Variants in AGBL4 observed in about 807,000 individuals in gnomAD.
AGBL4 encodes the protein cytosolic carboxypeptidase 6.
AGBL4 carries 58 observed loss-of-function variants against 66.4 expected under a neutral mutation model. The observed-to-expected ratio is 0.87, with a 90% confidence interval of 0.71 to 1.09. The LOEUF (loss-of-function observed/expected upper bound fraction) is 1.09, where lower values mean the gene tolerates loss of function less well. AGBL4 is among the 50% of genes least tolerant of loss of function. AGBL4 has a pLI of 0.00. For missense variants in AGBL4, 579 were observed against 631.0 expected (o/e 0.92, Z 0.88); for synonymous variants, 234 against 222.9 (o/e 1.05, Z -0.44).
At chr1:48,835,116 C>A (rs4484963) in intron 6 of AGBL4, among the ~76,000 whole-genome samples, 5,457 of 152,096 alleles carry the variant, frequency 0.036, 333 homozygotes, top group African/African-American at 0.13. Context: ...TTAAACTGGG[C>A]TTCTCAGAAA....
chr1:49,538,666 C>T (rs760407563), intron 3 of AGBL4, among the ~76,000 whole-genome samples: 19 of 151,898 alleles, frequency 1.3e-4, no homozygotes, highest in Non-Finnish European at 2.9e-5. Context: ...GACAATTTAC[C>T]AGGAAAATGT....
At chr1:48,722,614 A>G (rs779676002) in intron 6 of AGBL4, among the ~76,000 whole-genome samples, 1 of 152,220 alleles carries the variant, frequency 6.6e-6, no homozygotes, top group Non-Finnish European at 1.5e-5. Context: ...ATAACACGGT[A>G]AACTGAAGGG....
chr1:49,973,269 G>C (rs1658284997), intron 1 of AGBL4, among the ~76,000 whole-genome samples: 1 of 152,132 alleles, frequency 6.6e-6, no homozygotes, highest in African/African-American at 2.4e-5. Context: ...TAGTGTAACA[G>C]GTCAGCTAAT....
intron 1 of AGBL4, 54 bp downstream of exon 1, chr1:50,023,709 A>G: frequency 6.5e-7 from 1 of 1,531,392 alleles, no homozygotes; most frequent in Non-Finnish European, 8.8e-7. Flanking sequence ...GTTGCCTGAG[A>G]CCCAGGACAG....
chr1:49,536,319 A>G (rs1025872562), intron 3 of AGBL4, among the ~76,000 whole-genome samples: 1 of 152,164 alleles, frequency 6.6e-6, no homozygotes, highest in African/African-American at 2.4e-5. Flanking sequence ...TGCTTGAGAT[A>G]GTAGACACAT....
chr1:49,362,472 A>G (rs942946100), intron 3 of AGBL4, among the ~76,000 whole-genome samples: 60 of 134,394 alleles, frequency 4.5e-4, no homozygotes, highest in African/African-American at 9.6e-4. Context: ...AAAAAAAAAA[A>G]AGAGAGAATC....
chr1:48,989,762 T>A (rs1434206685), intron 5 of AGBL4, among the ~76,000 whole-genome samples: 2 of 152,230 alleles, frequency 1.3e-5, no homozygotes, highest in African/African-American at 2.4e-5. Flanking sequence ...ACATTTTCTT[T>A]ACCCATTCAT....
At chr1:49,347,732 C>G (rs1006062116) in intron 3 of AGBL4, among the ~76,000 whole-genome samples, 6 of 151,420 alleles carry the variant, frequency 4.0e-5, no homozygotes, top group Non-Finnish European at 5.9e-5. Context: ...TGGTGGCAGG[C>G]GCCTGTAGTC....
intron 3 of AGBL4, among the ~76,000 whole-genome samples, chr1:49,396,654 G>A (rs1644981535): frequency 6.6e-6 from 1 of 152,106 alleles, no homozygotes; most frequent in South Asian, 2.1e-4. Flanking sequence ...ATATAATACT[G>A]TGTGAAAAAA....
intron 3 of AGBL4, among the ~76,000 whole-genome samples, chr1:49,383,416 T>G (rs1644665268): frequency 6.6e-6 from 1 of 152,140 alleles, no homozygotes; most frequent in African/African-American, 2.4e-5. Flanking sequence ...ACTACAGTGA[T>G]GAACACAGTA....
chr1:48,762,699 C>T (rs1014998689), intron 6 of AGBL4, among the ~76,000 whole-genome samples: 1 of 150,920 alleles, frequency 6.6e-6, no homozygotes, highest in Non-Finnish European at 1.5e-5. Context: ...ACACTGTTCC[C>T]AGGCCAGGCT....
At chr1:49,705,674 G>A (rs867924561) in intron 2 of AGBL4, among the ~76,000 whole-genome samples, 2 of 152,010 alleles carry the variant, frequency 1.3e-5, no homozygotes, top group African/African-American at 2.4e-5. Flanking sequence ...ATTGGCTGTG[G>A]GTTTGTCATA....
At chr1:48,705,276 AAG>A in intron 6 of AGBL4, among the ~76,000 whole-genome samples, 1 of 152,356 alleles carries the variant, frequency 6.6e-6, no homozygotes, top group South Asian at 2.1e-4. Context: ...AAAAAAGAGA[AAG>A]TATACAATTG....
intron 3 of AGBL4, among the ~76,000 whole-genome samples, chr1:49,378,550 G>A (rs1175916010): frequency 6.6e-6 from 1 of 151,908 alleles, no homozygotes; most frequent in Non-Finnish European, 1.5e-5. Flanking sequence ...TTATCAGTTT[G>A]GGTCATTTGG....
At chr1:48,775,112 T>C (rs1645012406) in intron 6 of AGBL4, among the ~76,000 whole-genome samples, 1 of 152,328 alleles carries the variant, frequency 6.6e-6, no homozygotes, top group African/African-American at 2.4e-5. Context: ...CCTAATCAGC[T>C]ATGAATGGTT....
intron 2 of AGBL4, among the ~76,000 whole-genome samples, chr1:49,788,316 A>G (rs867476851): frequency 1.3e-5 from 2 of 152,192 alleles, no homozygotes; most frequent in Non-Finnish European, 2.9e-5. Context: ...TGAACTGCAC[A>G]CTAGAACAAA....
At chr1:48,590,726 A>T in intron 10 of AGBL4, 107 bp downstream of exon 10, 1 of 1,221,340 alleles carries the variant, frequency 8.2e-7, no homozygotes, top group Non-Finnish European at 1.1e-6. Flanking sequence ...CCTAACACAG[A>T]GTTAGGTGTC....
intron 5 of AGBL4, among the ~76,000 whole-genome samples, chr1:49,040,612 T>C (rs1643912663): frequency 6.6e-6 from 1 of 152,120 alleles, no homozygotes; most frequent in Non-Finnish European, 1.5e-5. Flanking sequence ...TGGAATACTA[T>C]TCAGTACTAA....
chr1:49,505,768 A>G lies in AGBL4; in HGVS notation c.282+191545T>C, dbSNP rs555041322. ...TTCTTTTCTGTATCTGGATATATAT[A>G]CATCTTTCCCTGGATTTGGAATATT... On this transcript the variant is annotated intron_variant, in intron 3 of 13. Transcript: ENST00000371839. 4.2e-4 allele frequency among the ~76,000 whole-genome samples: 64 copies of G among 152,010 alleles called. No individual in the cohort carries two copies. The Middle Eastern group carries it at 0.014, about 33-fold the overall frequency.
Sources: gnomAD v4.1 joint callset for allele counts (sites outside exome capture counted in the v4.1 genomes callset) on GRCh38, gnomAD v4.1.1 for gene constraint, MANE v1.5 for transcripts, NCBI Gene and HGNC (gene_info 2026-07-23, HGNC 2026-07-21) for gene names.